CTNNA3: variants seen among roughly 807,000 people sequenced by gnomAD.
The protein encoded by CTNNA3 is catenin alpha 3, also known as catenin alpha-3.
In CTNNA3, 76 loss-of-function variants were observed where a neutral mutation model predicts 95.7. The observed-to-expected ratio is 0.79, with a 90% confidence interval of 0.66 to 0.96. The LOEUF is 0.96. Ranked by LOEUF, CTNNA3 falls within the 40% of genes least tolerant of loss-of-function variation. The pLI is 0.00. For synonymous variants in CTNNA3, 431 were observed against 374.4 expected, an observed-to-expected ratio of 1.15 and a Z score of -1.74; for missense variants, 1,191 against 1,089.8, an observed-to-expected ratio of 1.09 and a Z score of -1.31.
At chr10:66,431,318 C>T (rs1269330868) in intron 11 of CTNNA3, among the ~76,000 whole-genome samples, 1 of 152,096 alleles carries the variant, frequency 6.6e-6, no homozygotes, top group Non-Finnish European at 1.5e-5. Flanking sequence ...CTAGTTCAAC[C>T]ATTGTGGAAG....
chr10:66,951,378 A>G (rs566381090), intron 7 of CTNNA3, among the ~76,000 whole-genome samples: 26 of 152,338 alleles, frequency 1.7e-4, no homozygotes, highest in South Asian at 1.2e-3. Context: ...TGCCTCCCAG[A>G]GTGCTGGGAT....
intron 7 of CTNNA3, among the ~76,000 whole-genome samples, chr10:66,783,378 T>C: frequency 6.6e-6 from 1 of 152,158 alleles, no homozygotes; most frequent in East Asian, 1.9e-4. Flanking sequence ...TCAATATCAA[T>C]TAATGATTAA....
chr10:67,078,778 C>G (rs545738690), intron 7 of CTNNA3, among the ~76,000 whole-genome samples: 20 of 152,108 alleles, frequency 1.3e-4, no homozygotes, highest in Admixed American at 2.6e-4. Context: ...GGCCCCCCAA[C>G]GTGCTGAGAT....
At chr10:66,923,480 G>C (rs964052610) in intron 7 of CTNNA3, among the ~76,000 whole-genome samples, 3 of 152,182 alleles carry the variant, frequency 2.0e-5, no homozygotes, top group African/African-American at 7.2e-5. Flanking sequence ...GTGTGAGAGA[G>C]AAGTTATCAA....
At chr10:67,356,305 C>G (rs956949808) in intron 5 of CTNNA3, among the ~76,000 whole-genome samples, 2 of 152,052 alleles carry the variant, frequency 1.3e-5, no homozygotes, top group African/African-American at 4.8e-5. Context: ...CACTGTCCTA[C>G]TTCCTCATCA....
intron 17 of CTNNA3, among the ~76,000 whole-genome samples, chr10:65,943,243 T>A (rs939995494): frequency 6.6e-6 from 1 of 152,112 alleles, no homozygotes; most frequent in Non-Finnish European, 1.5e-5. Flanking sequence ...TTTTTGTATT[T>A]TTAGTAGAGA....
chr10:66,147,116 G>T (rs1418376620), intron 13 of CTNNA3, among the ~76,000 whole-genome samples: 1 of 151,958 alleles, frequency 6.6e-6, no homozygotes, highest in Non-Finnish European at 1.5e-5. Flanking sequence ...TAAATCTGGG[G>T]TATGGGGAAC....
chr10:67,243,616 T>C (rs1185477373), intron 5 of CTNNA3, among the ~76,000 whole-genome samples: 1 of 152,188 alleles, frequency 6.6e-6, no homozygotes, highest in Non-Finnish European at 1.5e-5. Flanking sequence ...CTGGCTTCTC[T>C]CTCTAGTCTT....
At chr10:67,044,044 C>T (rs1854574549) in intron 7 of CTNNA3, among the ~76,000 whole-genome samples, 1 of 151,834 alleles carries the variant, frequency 6.6e-6, no homozygotes. Context: ...TCCCATCACC[C>T]AGGTAGTAAA....
chr10:66,379,741 CTT>C (rs2092822576), intron 11 of CTNNA3, among the ~76,000 whole-genome samples: 1 of 152,088 alleles, frequency 6.6e-6, no homozygotes, highest in South Asian at 2.1e-4. Flanking sequence ...GATTATAAAA[CTT>C]ATATATACAT....
chr10:66,941,656 CT>C (rs1848003053), intron 7 of CTNNA3, among the ~76,000 whole-genome samples: 1 of 152,188 alleles, frequency 6.6e-6, no homozygotes, highest in Non-Finnish European at 1.5e-5. Context: ...ATTTGCAGAA[CT>C]CATGATGAGC....
Position 66,103,264 on chromosome 10 carries a change from C to T in CTNNA3, c.1885-15G>A. On this transcript the variant is annotated splice_polypyrimidine_tract_variant and intron_variant, in intron 13 of 17. Transcript: ENST00000433211. ...TCCTCTGGGGTCTATAAAAAGAAAG[C>T]AAAACATTGCTAGTGGGAATGTAAA... is the stretch of plus-strand genomic sequence containing the variant. The T allele has an allele frequency of 1.3e-6, 2 of 1,590,412 alleles. No individual in the cohort carries two copies. The highest frequency in any genetic ancestry group is 1.7e-6 in the Non-Finnish European group (2 of 1,158,366).
At chr10:66,063,856 A>C (rs1352311904) in intron 15 of CTNNA3, among the ~76,000 whole-genome samples, 1 of 152,048 alleles carries the variant, frequency 6.6e-6, no homozygotes, top group East Asian at 1.9e-4. Context: ...TATGTAGCAA[A>C]GTATGTTAAT....
chr10:66,450,508 G>T (rs145555217), intron 11 of CTNNA3, among the ~76,000 whole-genome samples: 2 of 151,932 alleles, frequency 1.3e-5, no homozygotes. Flanking sequence ...CAGAAATAAC[G>T]TTGTATTCAT....
At chr10:66,236,056 G>A (rs1176996808) in intron 13 of CTNNA3, among the ~76,000 whole-genome samples, 1 of 152,050 alleles carries the variant, frequency 6.6e-6, no homozygotes, top group Non-Finnish European at 1.5e-5. Context: ...CTCCCCTTGG[G>A]TTGTTTGTAG....
At chr10:67,116,224 C>A (rs1466416483) in intron 7 of CTNNA3, among the ~76,000 whole-genome samples, 1 of 151,862 alleles carries the variant, frequency 6.6e-6, no homozygotes, top group Non-Finnish European at 1.5e-5. Flanking sequence ...GAATCATGAA[C>A]CTGAAATACA....
At chr10:66,844,460 A>C (rs1044980842) in intron 7 of CTNNA3, among the ~76,000 whole-genome samples, 1 of 152,202 alleles carries the variant, frequency 6.6e-6, no homozygotes, top group African/African-American at 2.4e-5. Flanking sequence ...TGAAATCCCC[A>C]GAGTTCCTTG....
chr10:66,065,742 C>T (rs1036468525), intron 15 of CTNNA3, among the ~76,000 whole-genome samples: 4 of 152,024 alleles, frequency 2.6e-5, no homozygotes, highest in Non-Finnish European at 4.4e-5. Context: ...TCATTGTTGT[C>T]CCTTCTAGCT....
intron 7 of CTNNA3, among the ~76,000 whole-genome samples, chr10:66,870,348 A>G (rs1459508164): frequency 1.3e-5 from 2 of 152,234 alleles, no homozygotes; most frequent in African/African-American, 4.8e-5. Flanking sequence ...TTAATGGACA[A>G]TATTTTATTG....
Sources: gnomAD v4.1 joint callset for allele counts (sites outside exome capture counted in the v4.1 genomes callset) on GRCh38, gnomAD v4.1.1 for gene constraint, MANE v1.5 for transcripts, NCBI Gene and HGNC (gene_info 2026-07-23, HGNC 2026-07-21) for gene names.